Variants in TIMP2 observed in about 807,000 individuals in gnomAD.
TIMP2 encodes the protein metalloproteinase inhibitor 2.
Under a neutral mutation model 24.3 loss-of-function variants are expected in TIMP2, and 5 were observed. That is an observed-to-expected ratio of 0.21 (90% CI 0.11 to 0.43). The LOEUF is 0.43. Among genes scored for constraint, TIMP2 ranks in the 20% least tolerant of loss-of-function variants. The probability of loss-of-function intolerance (pLI) is 1.00; values close to 1 mark genes in which losing one functional copy is unlikely to be tolerated. For synonymous variants in TIMP2, 130 were observed against 123.2 expected (o/e 1.06, Z -0.37); for missense variants, 221 against 297.5 (o/e 0.74, Z 1.89).
At chr17:78,901,691 G>A (rs1484344936) in intron 1 of TIMP2, 2 of 715,822 alleles carry the variant, frequency 2.8e-6, no homozygotes, top group South Asian at 1.5e-5. Flanking sequence ...TTAGGATGGG[G>A]ATGATAACAA....
In TIMP2 at chr17:78,891,664, T is replaced by G; in HGVS notation, c.131-17745A>C. 6.4e-7 allele frequency: 1 copy of G among 1,551,072 alleles called. No homozygotes were observed. The highest frequency in any genetic ancestry group is 8.7e-7 in the Non-Finnish European group (1 of 1,147,106). ...CAAAGCAAACTGCCCCCTTTCCCAG[T>G]TGCCTCCTCCCCGCCCGAGCTGTTC... On this transcript the variant is annotated intron_variant, in intron 1 of 4. Coordinates refer to ENST00000262768, the MANE Select transcript of TIMP2 (RefSeq NM_003255.5). The surrounding 1 kb of genome is among the most constrained non-coding windows in gnomAD (Gnocchi z 4.5).
Position 78,924,913 on chromosome 17 carries a change from G to A in TIMP2, c.130+46C>T, listed in dbSNP as rs2070337733. 1.7e-6 allele frequency: 2 copies of A among 1,158,988 alleles called. No individual in the cohort carries two copies. Among genetic ancestry groups the A allele is most frequent in the African/African-American group, 1.6e-5 (1 of 61,342 alleles). 71.8% of individuals were successfully genotyped at this position (1,158,988 alleles called of 1,614,324 possible). On this transcript the variant is annotated intron_variant, in intron 1 of 4. Transcript: ENST00000262768. This position sits in a 1 kb window ranked among gnomAD's most constrained non-coding sequence, Gnocchi z 5.3. ...GGCGTCTGCGAACCCTCGGGGTCGC[G>A]GGGGAGGTGGGGCCCCGCGCGGGGG...
Position 78,891,059 on chromosome 17 carries a change from T to C in TIMP2, c.131-17140A>G. 1 of 1,551,120 alleles carries C rather than the reference T, an allele frequency of 6.4e-7. No homozygotes were observed. Among genetic ancestry groups the C allele is most frequent in the African/African-American group, 1.4e-5 (1 of 73,182 alleles). Reference sequence around the variant, plus strand: ...TTGAAGGTGGAGCTGAAGGGAGCCCTCTGCCAGCGTGCCCAGTTTGGGGGT... The same window carrying C: ...TTGAAGGTGGAGCTGAAGGGAGCCCCCTGCCAGCGTGCCCAGTTTGGGGGT... On this transcript the variant is annotated intron_variant, in intron 1 of 4. Coordinates refer to ENST00000262768, the MANE Select transcript of TIMP2 (RefSeq NM_003255.5). This position sits in a 1 kb window ranked among gnomAD's most constrained non-coding sequence, Gnocchi z 4.5.
At chr17:78,910,171 T>C (rs1265068613) in intron 1 of TIMP2, among the ~76,000 whole-genome samples, 1 of 151,994 alleles carries the variant, frequency 6.6e-6, no homozygotes, top group Non-Finnish European at 1.5e-5. Flanking sequence ...AACTATACAA[T>C]ATACTTTTGT....
At chr17:78,894,220 C>G (rs2069963370) in intron 1 of TIMP2, among the ~76,000 whole-genome samples, 1 of 151,920 alleles carries the variant, frequency 6.6e-6, no homozygotes, top group Admixed American at 6.6e-5. Flanking sequence ...GACAGGGAAA[C>G]TGAGGCAGGC....
intron 1 of TIMP2, among the ~76,000 whole-genome samples, chr17:78,879,084 C>T (rs2069755288): frequency 6.6e-6 from 1 of 152,178 alleles, no homozygotes; most frequent in Non-Finnish European, 1.5e-5. Context: ...GGGTACCTGT[C>T]GGGGGTTGTT....
rs71161632 is a variant in TIMP2, at chr17:78,854,921, C to CGGGGGGGGGGGGGG, written c.*745_*746insCCCCCCCCCCCCCC. The CGGGGGGGGGGGGGG allele has an allele frequency of 2.6e-5, 1 of 39,088 alleles. No homozygotes were observed. The highest frequency in any genetic ancestry group is 9.8e-5 in the African/African-American group (1 of 10,256). 2.4% of individuals were successfully genotyped at this position (39,088 alleles called of 1,614,324 possible). ...TCCTGCAAGCTGGGGAGCATGTGGG[C>CGGGGGGGGGGGGGG]GGGGGGGGGGGGGTGGGGGGGTGGG... On this transcript the variant is annotated 3_prime_UTR_variant, in exon 5 of 5. Transcript: ENST00000262768.
intron 4 of TIMP2, 126 bp downstream of exon 4, chr17:78,857,396 A>C: frequency 1.5e-6 from 2 of 1,329,122 alleles, no homozygotes; most frequent in Non-Finnish European, 2.1e-6. Context: ...CTACCTTCCC[A>C]GAGCCTGGTC....
rs1267319765 is a variant in TIMP2, at chr17:78,924,250, G to A, written c.130+709C>T. ...GAGCAGCAGCACAGTCCCACGTGCC[G>A]GGTCCGGTCACCAAAGTCTCCAGCT... On this transcript the variant is annotated intron_variant, in intron 1 of 4. Transcript: ENST00000262768. This position sits in a 1 kb window ranked among gnomAD's most constrained non-coding sequence, Gnocchi z 5.3. Among the ~76,000 whole-genome samples, 1 of 152,212 alleles carries A rather than the reference G, an allele frequency of 6.6e-6. No individual in the cohort carries two copies. The highest frequency in any genetic ancestry group is 1.5e-5 in the Non-Finnish European group (1 of 68,044).
At chr17:78,883,699 C>T (rs1374276376) in intron 1 of TIMP2, among the ~76,000 whole-genome samples, 1 of 152,188 alleles carries the variant, frequency 6.6e-6, no homozygotes, top group Non-Finnish European at 1.5e-5. Context: ...TGGAGACCAG[C>T]TCTCCCATCT....
intron 1 of TIMP2, chr17:78,904,823 G>A (rs971912355): frequency 2.0e-5 from 3 of 152,290 alleles, no homozygotes; most frequent in Non-Finnish European, 4.4e-5. Context: ...CAGAGGCAGA[G>A]GCAGGCAAAC....
At chr17:78,906,575 T>G (rs2070160404) in intron 1 of TIMP2, among the ~76,000 whole-genome samples, 1 of 152,026 alleles carries the variant, frequency 6.6e-6, no homozygotes, top group South Asian at 2.1e-4. Flanking sequence ...TTTTTCCTTT[T>G]CTTTTTTATT....
At chr17:78,915,858 C>G (rs2070253161) in intron 1 of TIMP2, among the ~76,000 whole-genome samples, 1 of 152,210 alleles carries the variant, frequency 6.6e-6, no homozygotes, top group Non-Finnish European at 1.5e-5. Flanking sequence ...TATTTCCTAG[C>G]CAGCTAACCC....
chr17:78,893,398 CAGGGGTGTGTGTGCAT>C (rs1360771760), intron 1 of TIMP2, among the ~76,000 whole-genome samples: 4 of 53,174 alleles, frequency 7.5e-5, no homozygotes, highest in Non-Finnish European at 9.1e-5. Context: ...GGTGTGTATG[CAGGGGTGTGTGTGCAT>C]AGGGGTGTGT....
intron 1 of TIMP2, among the ~76,000 whole-genome samples, chr17:78,877,866 G>C (rs988691750): frequency 3.9e-5 from 6 of 152,052 alleles, no homozygotes; most frequent in African/African-American, 1.4e-4. Context: ...ACCATGCCCG[G>C]CTAATTTTTT....
At chr17:78,901,712 C>G (rs2145785026) in intron 1 of TIMP2, 1 of 717,024 alleles carries the variant, frequency 1.4e-6, no homozygotes, top group African/African-American at 1.7e-5. Context: ...CAGCAGCACC[C>G]ATCTACAGAG....
At chr17:78,901,984 G>A (rs532434486) in intron 1 of TIMP2, 162 of 587,582 alleles carry the variant, frequency 2.8e-4, no homozygotes, top group Non-Finnish European at 4.4e-4. Flanking sequence ...TTTTAACTCC[G>A]TTTCTCTGAG....
At chr17:78,867,762 AT>A (rs954779940) in intron 3 of TIMP2, among the ~76,000 whole-genome samples, 15 of 147,658 alleles carry the variant, frequency 1.0e-4, no homozygotes, top group African/African-American at 1.2e-4. Flanking sequence ...CGCCCGGCTA[AT>A]TTTTTTTTTG....
intron 1 of TIMP2, among the ~76,000 whole-genome samples, chr17:78,911,614 A>G (rs1357053110): frequency 6.6e-6 from 1 of 151,836 alleles, no homozygotes; most frequent in Non-Finnish European, 1.5e-5. Context: ...TATTTTTAGT[A>G]GAGATGGGGT....
Sources: allele counts gnomAD v4.1 joint callset (sites outside exome capture counted in the v4.1 genomes callset), GRCh38; gene constraint gnomAD v4.1.1; non-coding constraint Gnocchi (gnomAD v3.1); transcripts MANE v1.5; gene names NCBI Gene and HGNC (gene_info 2026-07-23, HGNC 2026-07-21).